Variants in RIC1 observed in about 807,000 individuals in gnomAD.
The protein encoded by RIC1 is guanine nucleotide exchange factor subunit RIC1.
A neutral mutation model predicts 169.0 loss-of-function variants in RIC1; 88 were observed. The ratio of observed to expected loss-of-function variants is 0.52; its 90% confidence interval spans 0.44 to 0.62. The LOEUF is 0.62. Among genes scored for constraint, RIC1 ranks in the 20% least tolerant of loss-of-function variants. The pLI is 0.00. For missense variants in RIC1, 1,877 were observed against 1,725.5 expected (o/e 1.09, Z -1.56); for synonymous variants, 790 against 601.5 (o/e 1.31, Z -4.59).
Position 5,763,304 on chromosome 9 carries a change from GC to G in RIC1, c.2281del (p.His761IlefsTer19). On this transcript the variant is annotated frameshift_variant, in exon 19 of 26. Transcript: ENST00000414202. LOFTEE classifies it high-confidence loss of function. The surrounding 1 kb of genome is among the most constrained non-coding windows in gnomAD (Gnocchi z 5.2). The part of the protein sequence containing the change: ...LPLFPRDHRK[P>X]HSFLSQRIML... ...CTCTCTTCCCTAGGGATCACCGCAA[GC>G]CCCATTCCTTCTTGTCCCAGCGGAT... The G allele has an allele frequency of 6.2e-7, 1 of 1,614,176 alleles. No homozygotes were observed. Among genetic ancestry groups the G allele is most frequent in the Non-Finnish European group, 8.5e-7 (1 of 1,180,022 alleles).
At chr9:5,695,646 C>G (rs1224048816) in intron 3 of RIC1, among the ~76,000 whole-genome samples, 1 of 150,184 alleles carries the variant, frequency 6.7e-6, no homozygotes, top group East Asian at 1.9e-4. Context: ...GATCTTGGCT[C>G]CCTGCAATCT....
intron 1 of RIC1, among the ~76,000 whole-genome samples, chr9:5,650,216 C>T (rs1427122133): frequency 6.6e-6 from 1 of 151,996 alleles, no homozygotes; most frequent in Non-Finnish European, 1.5e-5. Flanking sequence ...TGGGTAGGTC[C>T]TTGGATCCCT....
At chr9:5,705,120 T>G (rs1459042775) in intron 3 of RIC1, among the ~76,000 whole-genome samples, 2 of 152,106 alleles carry the variant, frequency 1.3e-5, no homozygotes, top group Non-Finnish European at 2.9e-5. Flanking sequence ...TGTTCTTCTT[T>G]TCAAGATTAT....
chr9:5,672,316 C>T (rs1377759183), intron 2 of RIC1, among the ~76,000 whole-genome samples: 1 of 151,992 alleles, frequency 6.6e-6, no homozygotes. Flanking sequence ...ATATGTGGCT[C>T]CTATTGATGA....
intron 2 of RIC1, among the ~76,000 whole-genome samples, chr9:5,684,267 T>G (rs1474013591): frequency 1.5e-5 from 1 of 64,928 alleles, no homozygotes; most frequent in Admixed American, 1.9e-4. Flanking sequence ...TTGGCCATCT[T>G]GGCTCCACCC....
Position 5,732,407 on chromosome 9 carries a change from C to T in RIC1, c.740C>T (p.Pro247Leu), listed in dbSNP as rs748736001. 127 of 1,608,676 alleles carry T rather than the reference C, an allele frequency of 7.9e-5. No homozygotes were observed. The highest frequency in any genetic ancestry group is 1.1e-4 in the Non-Finnish European group (124 of 1,177,522). The change falls in exon 7 of 26, where the codon CCA becomes CTA. Residue 247 changes from proline (P) to leucine (L), a missense_variant. This residue lies in a region of RIC1 where 1,104 missense variants were observed against 992.0 expected (regional missense o/e 1.11). Coordinates refer to ENST00000414202, the MANE Select transcript of RIC1 (RefSeq NM_020829.4). ...FTAEQLHGVW[P>L]QDVVDGTCVA... ...TTATAGCAGCTTCATGGAGTTTGGC[C>T]ACAAGATGTTGTTGACGGAACGTGT...
intron 3 of RIC1, 149 bp downstream of exon 3, chr9:5,690,187 A>T: frequency 2.1e-6 from 1 of 484,218 alleles, no homozygotes; most frequent in Non-Finnish European, 3.6e-6. Context: ...AGGTCTTTGA[A>T]CTGTCATTTC....
At chr9:5,769,791 C>G (rs757093528) in intron 22 of RIC1, 2 of 298,608 alleles carry the variant, frequency 6.7e-6, no homozygotes, top group African/African-American at 2.2e-5. Flanking sequence ...TTGGAAACTT[C>G]ATGTTATCTT....
intron 3 of RIC1, among the ~76,000 whole-genome samples, chr9:5,706,926 C>T (rs1038563919): frequency 6.6e-6 from 1 of 152,050 alleles, no homozygotes; most frequent in Non-Finnish European, 1.5e-5. Context: ...CATGTATAGC[C>T]ACTCTAATTT....
At chr9:5,652,666 T>G (rs1207608825) in intron 1 of RIC1, among the ~76,000 whole-genome samples, 1 of 150,070 alleles carries the variant, frequency 6.7e-6, no homozygotes, top group African/African-American at 2.4e-5. Flanking sequence ...TGACTTCTCC[T>G]TTCCAATTAA....
intron 2 of RIC1, among the ~76,000 whole-genome samples, chr9:5,677,183 A>T (rs992445971): frequency 1.3e-5 from 2 of 152,216 alleles, no homozygotes; most frequent in African/African-American, 4.8e-5. Flanking sequence ...CTTTGCCAAC[A>T]TGTGGTAGGG....
At position 5,770,099 on chromosome 9, in the gene RIC1, T is replaced by G; in HGVS notation, c.3437T>G (p.Leu1146Arg). Residue 1146 changes from leucine (L) to arginine (R), a missense_variant, in exon 23 of 26, where the codon CTG becomes CGG. By Grantham distance (102) the Leu-to-Arg change is moderately radical (BLOSUM62 -2). Transcript: ENST00000414202. ...NGKYRTVGEQ[L>R]LKSQSADPFL... ...ACCCACTCTGCAGTGGGAGAGCAGC[T>G]GTTAAAGTCTCAATCAGCTGACCCA... is the stretch of plus-strand genomic sequence containing the variant. 1 of 1,612,224 alleles carries G rather than the reference T, an allele frequency of 6.2e-7. No homozygotes were observed. The highest frequency in any genetic ancestry group is 8.5e-7 in the Non-Finnish European group (1 of 1,179,084).
At chr9:5,748,906 G>T (rs1825550340) in intron 12 of RIC1, among the ~76,000 whole-genome samples, 1 of 152,166 alleles carries the variant, frequency 6.6e-6, no homozygotes, top group African/African-American at 2.4e-5. Context: ...GATAGCTAAA[G>T]ATATTTAGAC....
At chr9:5,702,522 T>C (rs191715483) in intron 3 of RIC1, among the ~76,000 whole-genome samples, 2 of 119,524 alleles carry the variant, frequency 1.7e-5, no homozygotes, top group East Asian at 2.1e-4. Context: ...TGTTTTGTTT[T>C]TGTTTTTGTT....
At chr9:5,699,503 T>G (rs902283835) in intron 3 of RIC1, among the ~76,000 whole-genome samples, 6 of 152,140 alleles carry the variant, frequency 3.9e-5, no homozygotes, top group African/African-American at 1.4e-4. Flanking sequence ...GTCTTTTTTT[T>G]TTTTTCAAAA....
intron 3 of RIC1, among the ~76,000 whole-genome samples, chr9:5,690,676 AAGAC>A (rs1280800623): frequency 1.3e-5 from 2 of 150,120 alleles, no homozygotes; most frequent in African/African-American, 5.0e-5. Flanking sequence ...AGAAATTAGA[AAGAC>A]AGATTTTACT....
intron 1 of RIC1, among the ~76,000 whole-genome samples, chr9:5,648,800 A>G (rs929009616): frequency 6.6e-6 from 1 of 152,174 alleles, no homozygotes; most frequent in Non-Finnish European, 1.5e-5. Context: ...TTGGCCATCC[A>G]TATGTCTTTT....
intron 3 of RIC1, among the ~76,000 whole-genome samples, chr9:5,694,028 C>T (rs1397623704): frequency 6.6e-6 from 1 of 152,118 alleles, no homozygotes; most frequent in African/African-American, 2.4e-5. Context: ...ATCTCCTTCT[C>T]CTCTTCCCCC....
At chr9:5,758,791 C>CTGGAG (rs1360048755) in intron 17 of RIC1, among the ~76,000 whole-genome samples, 1 of 137,836 alleles carries the variant, frequency 7.3e-6, no homozygotes, top group Admixed American at 8.1e-5. Context: ...TATCGCCAGG[C>CTGGAG]TGGAGTGCAG....
Sources: gnomAD v4.1 joint callset for allele counts (sites outside exome capture counted in the v4.1 genomes callset) on GRCh38, gnomAD v4.1.1 for gene constraint, gnomAD v4.1.1 regional missense constraint, Gnocchi (gnomAD v3.1) non-coding constraint, MANE v1.5 for transcripts, NCBI Gene and HGNC (gene_info 2026-07-23, HGNC 2026-07-21) for gene names.